Variants in CNTN5 observed in about 807,000 individuals in gnomAD.
CNTN5 encodes contactin-5.
In CNTN5, 77 loss-of-function variants were observed where a neutral mutation model predicts 129.1. The observed-to-expected ratio is 0.60, with a 90% confidence interval of 0.50 to 0.72. CNTN5 has a LOEUF of 0.72. Ranked by LOEUF, CNTN5 falls within the 30% of genes least tolerant of loss-of-function variation. CNTN5 has a pLI of 0.00. For synonymous variants in CNTN5, 509 were observed against 465.6 expected, an observed-to-expected ratio of 1.09 and a Z score of -1.20; for missense variants, 1,478 against 1,328.8, an observed-to-expected ratio of 1.11 and a Z score of -1.75.
intron 1 of CNTN5, among the ~76,000 whole-genome samples, chr11:99,060,704 A>T (rs1458687717): frequency 6.6e-6 from 1 of 152,108 alleles, no homozygotes; most frequent in Non-Finnish European, 1.5e-5. Context: ...TTTTGCATTG[A>T]ATTTGAATAT....
chr11:99,745,609 A>C (rs1944029175), intron 3 of CNTN5, among the ~76,000 whole-genome samples: 1 of 152,184 alleles, frequency 6.6e-6, no homozygotes, highest in South Asian at 2.1e-4. Flanking sequence ...GCAAAAAATG[A>C]TGATTGATAC....
Position 99,780,204 on chromosome 11 carries a change from C to G in CNTN5, c.56-39340C>G, listed in dbSNP as rs555720737. On this transcript the variant is annotated intron_variant, in intron 3 of 24. Coordinates refer to ENST00000524871, the MANE Select transcript of CNTN5 (RefSeq NM_014361.4). ...TTTCCCCCCCTTCAGATTAATTAAG[C>G]CTTTTGCATGCAGTCCTCTGCAGAA... 2.1e-3 allele frequency among the ~76,000 whole-genome samples: 324 copies of G among 152,080 alleles called. 3 individuals are homozygous for G. The highest frequency in any genetic ancestry group is 7.2e-3 in the African/African-American group (299 of 41,492).
Position 100,300,492 on chromosome 11 carries a change from C to G in CNTN5, c.2620+1096C>G, listed in dbSNP as rs1352516839. On this transcript the variant is annotated intron_variant, in intron 20 of 24. Transcript: ENST00000524871. ...TAAATATAAACTAACCCTTATACTT[C>G]CTCTGTGCCCACATGTAGGACTTGA... is the stretch of plus-strand genomic sequence containing the variant. 2.0e-5 allele frequency among the ~76,000 whole-genome samples: 3 copies of G among 151,526 alleles called. No individual in the cohort carries two copies. The East Asian group carries it at 5.8e-4, about 29-fold the overall frequency.
At chr11:99,741,493 G>GA (rs1303328747) in intron 3 of CNTN5, among the ~76,000 whole-genome samples, 1 of 151,990 alleles carries the variant, frequency 6.6e-6, no homozygotes, top group Non-Finnish European at 1.5e-5. Flanking sequence ...ATTTATTTGA[G>GA]AAAAAACAAC....
intron 2 of CNTN5, among the ~76,000 whole-genome samples, chr11:99,451,783 A>AT (rs1197163939): frequency 6.6e-6 from 1 of 152,174 alleles, no homozygotes; most frequent in South Asian, 2.1e-4. Context: ...TTGGAACTAA[A>AT]TTAGTTTTGG....
intron 9 of CNTN5, among the ~76,000 whole-genome samples, chr11:100,056,439 G>A (rs1433777173): frequency 1.3e-5 from 2 of 150,838 alleles, no homozygotes; most frequent in Non-Finnish European, 3.0e-5. Flanking sequence ...AAAAAAAAAA[G>A]CTAAAAATAA....
chr11:99,117,409 C>T (rs181735450), intron 1 of CNTN5, among the ~76,000 whole-genome samples: 14 of 152,220 alleles, frequency 9.2e-5, no homozygotes, highest in African/African-American at 2.4e-4. Context: ...GATTCTAACA[C>T]GACCAGTTTG....
At chr11:99,704,326 G>A (rs1350046618) in intron 3 of CNTN5, among the ~76,000 whole-genome samples, 2 of 150,852 alleles carry the variant, frequency 1.3e-5, no homozygotes, top group Non-Finnish European at 3.0e-5. Flanking sequence ...GATATGAATT[G>A]GAGGTAAAAA....
At chr11:99,533,840 C>T (rs939277940) in intron 2 of CNTN5, among the ~76,000 whole-genome samples, 14 of 152,246 alleles carry the variant, frequency 9.2e-5, no homozygotes, top group East Asian at 3.9e-4. Flanking sequence ...CTGAGATAGC[C>T]GGGGCTGTGG....
intron 2 of CNTN5, among the ~76,000 whole-genome samples, chr11:99,510,843 A>T (rs1053020515): frequency 6.6e-6 from 1 of 152,118 alleles, no homozygotes; most frequent in African/African-American, 2.4e-5. Flanking sequence ...GATATTTTTT[A>T]TAAAGTTGAG....
intron 8 of CNTN5, among the ~76,000 whole-genome samples, chr11:99,964,192 A>G (rs988410742): frequency 3.9e-5 from 6 of 152,138 alleles, no homozygotes; most frequent in Admixed American, 1.3e-4. Context: ...AACTTCCAAC[A>G]CTATGTTGAA....
rs766015741 is a variant in CNTN5 at position 100,190,727 on chromosome 11, CTG to C, written c.1581-397_1581-396del. ...ACTTATACTCCTCTATGTTTTTATG[CTG>C]TTTTTTTTTTTTATATATGACTTTT... is the stretch of plus-strand genomic sequence containing the variant. On this transcript the variant is annotated intron_variant, in intron 13 of 24. Coordinates refer to ENST00000524871, the MANE Select transcript of CNTN5 (RefSeq NM_014361.4). Among the ~76,000 whole-genome samples, 117 of 132,390 alleles carry C rather than the reference CTG, an allele frequency of 8.8e-4. 1 individual carries two copies. The highest frequency in any genetic ancestry group is 2.7e-3 in the African/African-American group (94 of 34,668). The allele number at this position is 132,390 out of a possible 152,430, so 86.9% of individuals were successfully genotyped here.
chr11:100,081,513 T>G (rs1944363074), intron 13 of CNTN5, among the ~76,000 whole-genome samples: 2 of 152,176 alleles, frequency 1.3e-5, no homozygotes, highest in African/African-American at 4.8e-5. Context: ...GGTAAGATGC[T>G]ATGTCCGTAT....
intron 1 of CNTN5, among the ~76,000 whole-genome samples, chr11:99,134,218 C>G (rs750727326): frequency 2.6e-5 from 4 of 152,050 alleles, no homozygotes; most frequent in Non-Finnish European, 2.9e-5. Context: ...CAAATGGACA[C>G]AGGCAGGAGA....
chr11:100,286,335 T>C (rs1950790873), intron 18 of CNTN5, among the ~76,000 whole-genome samples: 1 of 152,024 alleles, frequency 6.6e-6, no homozygotes, highest in African/African-American at 2.4e-5. Flanking sequence ...AGCAGGAACC[T>C]CTGCAGACTT....
At chr11:99,804,874 ATATG>A (rs1311926326) in intron 3 of CNTN5, among the ~76,000 whole-genome samples, 2 of 150,600 alleles carry the variant, frequency 1.3e-5, no homozygotes, top group African/African-American at 4.9e-5. Flanking sequence ...TTATACATAT[ATATG>A]AGAAAAACCA....
intron 3 of CNTN5, among the ~76,000 whole-genome samples, chr11:99,789,431 A>G (rs941215990): frequency 1.3e-5 from 2 of 151,998 alleles, no homozygotes; most frequent in Non-Finnish European, 2.9e-5. Flanking sequence ...GTCTTTGGAG[A>G]TAATTTTTCA....
At chr11:99,289,975 C>A (rs1467490043) in intron 1 of CNTN5, among the ~76,000 whole-genome samples, 3 of 151,688 alleles carry the variant, frequency 2.0e-5, no homozygotes, top group Non-Finnish European at 4.4e-5. Context: ...ACAAATGCTT[C>A]TCTAATAATC....
At chr11:99,552,216 T>C (rs75362533) in intron 2 of CNTN5, among the ~76,000 whole-genome samples, 1 of 137,080 alleles carries the variant, frequency 7.3e-6, no homozygotes, top group Non-Finnish European at 1.5e-5. Flanking sequence ...AGTTTTTGTG[T>C]TTTTTTTTTT....
Sources: allele counts gnomAD v4.1 joint callset (sites outside exome capture counted in the v4.1 genomes callset), GRCh38; gene constraint gnomAD v4.1.1; transcripts MANE v1.5; gene names NCBI Gene and HGNC (gene_info 2026-07-23, HGNC 2026-07-21).